RPAP2: variants seen among roughly 807,000 people sequenced by gnomAD.
The protein encoded by RPAP2 is RNA polymerase II associated protein 2.
In RPAP2, 52 loss-of-function variants were observed where a neutral mutation model predicts 73.1. The ratio of observed to expected loss-of-function variants is 0.71; its 90% CI spans 0.57 to 0.90. The LOEUF is 0.90. Ranked by LOEUF, RPAP2 falls within the 40% of genes least tolerant of loss-of-function variation. RPAP2 has a pLI of 0.00. For missense variants in RPAP2, 598 were observed against 701.8 expected, an observed-to-expected ratio of 0.85 and a Z score of 1.67; for synonymous variants, 225 against 242.1, an observed-to-expected ratio of 0.93 and a Z score of 0.65.
At chr1:92,314,767 G>A (rs1418778347) in intron 6 of RPAP2, among the ~76,000 whole-genome samples, 2 of 145,760 alleles carry the variant, frequency 1.4e-5, no homozygotes, top group Admixed American at 1.4e-4. Flanking sequence ...AAAAAAGGCT[G>A]GGTGTGGTGG....
chr1:92,372,823 G>A (rs1422062066), intron 11 of RPAP2, among the ~76,000 whole-genome samples: 3 of 152,178 alleles, frequency 2.0e-5, no homozygotes, highest in Non-Finnish European at 4.4e-5. Flanking sequence ...GCTGAGGCAG[G>A]AGGATTGCTT....
chr1:92,300,984 C>T (rs980931213), intron 2 of RPAP2, among the ~76,000 whole-genome samples: 4 of 152,106 alleles, frequency 2.6e-5, no homozygotes, highest in African/African-American at 7.2e-5. Context: ...TGTGATGTTA[C>T]GAGAAGGAAT....
At chr1:92,328,401 G>A (rs943439884) in intron 8 of RPAP2, among the ~76,000 whole-genome samples, 2 of 152,132 alleles carry the variant, frequency 1.3e-5, no homozygotes, top group Non-Finnish European at 2.9e-5. Context: ...GCCTTGTCTT[G>A]AAGCTCTGAA....
At chr1:92,364,114 G>C (rs1166415036) in intron 11 of RPAP2, among the ~76,000 whole-genome samples, 3 of 152,142 alleles carry the variant, frequency 2.0e-5, no homozygotes, top group Admixed American at 2.0e-4. Flanking sequence ...AATTCAGGGT[G>C]AGAGAAAATT....
At chr1:92,355,672 T>G (rs910510729) in intron 11 of RPAP2, among the ~76,000 whole-genome samples, 2 of 152,158 alleles carry the variant, frequency 1.3e-5, no homozygotes, top group Non-Finnish European at 2.9e-5. Context: ...CAGACTTTAG[T>G]TGACATTATA....
chr1:92,338,400 T>C (rs1318901308), intron 10 of RPAP2, among the ~76,000 whole-genome samples: 1 of 152,230 alleles, frequency 6.6e-6, no homozygotes, highest in Non-Finnish European at 1.5e-5. Flanking sequence ...GTGTGTCCTG[T>C]TAGTAATGAC....
At chr1:92,386,929 TCTCAAA>T (rs1655888304) in intron 12 of RPAP2, 76 bp from the exon 13 acceptor site, 2 of 1,194,432 alleles carry the variant, frequency 1.7e-6, no homozygotes, top group African/African-American at 3.0e-5. Flanking sequence ...GCCAGGTTGG[TCTCAAA>T]CTCCTGACCT....
At chr1:92,332,966 G>A (rs1042657743) in intron 8 of RPAP2, among the ~76,000 whole-genome samples, 6 of 151,884 alleles carry the variant, frequency 4.0e-5, no homozygotes, top group South Asian at 2.1e-4. Context: ...AGAGAGAGTC[G>A]GTTTGAATTA....
intron 10 of RPAP2, 44 bp from the exon 11 acceptor site, chr1:92,345,802 A>T: frequency 8.4e-7 from 1 of 1,192,820 alleles, no homozygotes; most frequent in Non-Finnish European, 1.2e-6. Flanking sequence ...TAGAAAGTTT[A>T]TTTAAAGGTA....
In RPAP2 at chr1:92,382,340, G is replaced by A. The variant is rs557338467; in HGVS notation, c.1838+1467G>A. Among the ~76,000 whole-genome samples the A allele has an allele frequency of 1.5e-3, 229 of 152,228 alleles. 3 individuals are homozygous for A. The highest frequency in any genetic ancestry group is 5.2e-3 in the African/African-American group (217 of 41,524). ...TCTAGATCTAGATCCCTGAGGAATC[G>A]CCACACTGACTTCCACAATGGTTGA... On this transcript the variant is annotated intron_variant, in intron 12 of 12. Coordinates refer to ENST00000610020, the MANE Select transcript of RPAP2 (RefSeq NM_024813.3).
At chr1:92,354,891 ATTATT>A (rs1324256458) in intron 11 of RPAP2, among the ~76,000 whole-genome samples, 17 of 126,692 alleles carry the variant, frequency 1.3e-4, no homozygotes, top group Admixed American at 3.7e-4. Flanking sequence ...ATTTATGTAA[ATTATT>A]ATTATTATTA....
At chr1:92,316,111 TAAG>T (rs2101146081) in intron 6 of RPAP2, among the ~76,000 whole-genome samples, 1 of 152,316 alleles carries the variant, frequency 6.6e-6, no homozygotes. Context: ...ATCTTAAATC[TAAG>T]AAGGACAAAT....
In RPAP2 at chr1:92,395,658, A is replaced by C. The variant is rs1004944592; in HGVS notation, c.*8647A>C. 7.7e-3 allele frequency: 1,106 copies of C among 143,678 alleles called. 8 individuals are homozygous for C. Among genetic ancestry groups the C allele is most frequent in the Non-Finnish European group, 0.012 (802 of 66,354 alleles). The allele number at this position is 143,678 out of a possible 1,614,324, so 8.9% of individuals were successfully genotyped here. Reference sequence around the variant, plus strand: ...CTCAAAAAAAAAAAAAAAAAAAAAAATTAATTGAAAAATCACAGACTGGGA... The same window carrying C: ...CTCAAAAAAAAAAAAAAAAAAAAAACTTAATTGAAAAATCACAGACTGGGA... On this transcript the variant is annotated 3_prime_UTR_variant, in exon 13 of 13. Transcript: ENST00000610020.
chr1:92,366,998 G>A (rs1203772787), intron 11 of RPAP2, among the ~76,000 whole-genome samples: 1 of 152,220 alleles, frequency 6.6e-6, no homozygotes, highest in Admixed American at 6.5e-5. Context: ...TAAAATATGG[G>A]TAAGGTGACA....
chr1:92,314,345 T>A (rs1651778145), intron 6 of RPAP2, among the ~76,000 whole-genome samples: 1 of 146,998 alleles, frequency 6.8e-6, no homozygotes, highest in Admixed American at 6.6e-5. Context: ...GTTTTTTGGT[T>A]TTTGGGTTTT....
In RPAP2 at chr1:92,396,458, G is replaced by C. The variant is rs1278175218; in HGVS notation, c.*9447G>C. The C allele has an allele frequency of 6.6e-6, 1 of 152,000 alleles. No homozygotes were observed. The highest frequency in any genetic ancestry group is 1.5e-5 in the Non-Finnish European group (1 of 68,020). The allele number at this position is 152,000 out of a possible 1,614,324, so 9.4% of individuals were successfully genotyped here. ...ACATTATGCTTAGTGAAAGAAGTCT[G>C]ATGCAATATCCCACATATGGTATGT... On this transcript the variant is annotated 3_prime_UTR_variant, in exon 13 of 13. Coordinates refer to ENST00000610020, the MANE Select transcript of RPAP2 (RefSeq NM_024813.3).
intron 12 of RPAP2, 58 bp downstream of exon 12, chr1:92,380,931 TC>T (rs1325588022): frequency 7.4e-5 from 104 of 1,402,106 alleles, no homozygotes; most frequent in Admixed American, 1.6e-4. Flanking sequence ...CTATGTGGAT[TC>T]TTTTTTTTTT....
intron 11 of RPAP2, among the ~76,000 whole-genome samples, chr1:92,352,623 A>T (rs1654274513): frequency 1.3e-5 from 2 of 152,198 alleles, no homozygotes; most frequent in East Asian, 3.8e-4. Flanking sequence ...GATCATTGAA[A>T]TTACTTTTTT....
intron 10 of RPAP2, among the ~76,000 whole-genome samples, chr1:92,337,209 T>C (rs765855542): frequency 1.3e-5 from 2 of 152,084 alleles, no homozygotes; most frequent in Non-Finnish European, 2.9e-5. Flanking sequence ...TATATATTTA[T>C]TATTATAGTC....
Sources: allele counts gnomAD v4.1 joint callset (sites outside exome capture counted in the v4.1 genomes callset), GRCh38; gene constraint gnomAD v4.1.1; transcripts MANE v1.5; gene names NCBI Gene and HGNC (gene_info 2026-07-23, HGNC 2026-07-21).